MYT1L: variants seen among roughly 807,000 people sequenced by gnomAD.
The protein encoded by MYT1L is myelin transcription factor 1 like.
In MYT1L, 12 loss-of-function variants were observed where a neutral mutation model predicts 126.7. That is an observed-to-expected ratio of 0.09 (90% confidence interval 0.06 to 0.15). The LOEUF is 0.15. Among genes scored for constraint, MYT1L ranks in the 10% least tolerant of loss-of-function variants. The probability of loss-of-function intolerance (pLI) is 1.00; values close to 1 mark genes in which losing one functional copy is unlikely to be tolerated. For missense variants in MYT1L, 979 were observed against 1,585.2 expected, an observed-to-expected ratio of 0.62 and a Z score of 6.49; for synonymous variants, 541 against 604.2, an observed-to-expected ratio of 0.90 and a Z score of 1.53.
intron 3 of MYT1L, among the ~76,000 whole-genome samples, chr2:2,080,358 G>A (rs2075688442): frequency 6.6e-6 from 1 of 152,060 alleles, no homozygotes; most frequent in Admixed American, 6.6e-5. Flanking sequence ...AAGTTGATCT[G>A]ACAAAGGCCA....
chr2:2,259,572 G>A (rs1438493372), intron 2 of MYT1L, among the ~76,000 whole-genome samples: 1 of 151,966 alleles, frequency 6.6e-6, no homozygotes, highest in Non-Finnish European at 1.5e-5. Context: ...AAAAAATCAG[G>A]AATATGTCCC....
At chr2:2,050,628 A>T (rs2068721201) in intron 4 of MYT1L, among the ~76,000 whole-genome samples, 1 of 152,188 alleles carries the variant, frequency 6.6e-6, no homozygotes, top group African/African-American at 2.4e-5. Flanking sequence ...TTCTCCCATA[A>T]GATCAAGCCC....
At chr2:2,250,895 T>C (rs1182023518) in intron 2 of MYT1L, among the ~76,000 whole-genome samples, 1 of 152,102 alleles carries the variant, frequency 6.6e-6, no homozygotes, top group Non-Finnish European at 1.5e-5. Flanking sequence ...GATCCTACTC[T>C]TTAAATATAT....
At chr2:2,269,148 T>C (rs1277121479) in intron 2 of MYT1L, among the ~76,000 whole-genome samples, 3 of 152,202 alleles carry the variant, frequency 2.0e-5, no homozygotes, top group Admixed American at 2.0e-4. Flanking sequence ...TTCTAAATTA[T>C]CTGGAGATAA....
intron 3 of MYT1L, among the ~76,000 whole-genome samples, chr2:2,063,715 G>A (rs984481677): frequency 3.9e-5 from 6 of 152,068 alleles, no homozygotes; most frequent in African/African-American, 7.2e-5. Context: ...GTGATGACAC[G>A]TGCCTGTAAT....
chr2:2,138,762 T>G, intron 3 of MYT1L, among the ~76,000 whole-genome samples: 1 of 143,640 alleles, frequency 7.0e-6, no homozygotes, highest in Non-Finnish European at 1.5e-5. Context: ...AGTTAGTGGG[T>G]GCAGCGCACC....
chr2:1,918,066 C>T (rs1248687505), intron 10 of MYT1L, among the ~76,000 whole-genome samples: 1 of 152,038 alleles, frequency 6.6e-6, no homozygotes, highest in Non-Finnish European at 1.5e-5. Context: ...CGTAGAATGC[C>T]GTGCATGCAT....
At chr2:2,270,856 T>A (rs1573009513) in intron 2 of MYT1L, among the ~76,000 whole-genome samples, 2 of 152,000 alleles carry the variant, frequency 1.3e-5, no homozygotes, top group African/African-American at 4.8e-5. Flanking sequence ...GTGCCGGGCA[T>A]CCTGCTCATC....
chr2:1,944,001 C>T (rs146407687), intron 8 of MYT1L, among the ~76,000 whole-genome samples: 94 of 152,262 alleles, frequency 6.2e-4, no homozygotes, highest in African/African-American at 1.7e-3. Context: ...TCAGTGTTAG[C>T]GGTAATCACC....
chr2:1,964,156 C>T (rs76657064), intron 8 of MYT1L, among the ~76,000 whole-genome samples: 1 of 152,062 alleles, frequency 6.6e-6, no homozygotes, highest in Non-Finnish European at 1.5e-5. Context: ...AATAGGAAGG[C>T]CTGAGGAGCA....
chr2:1,801,004 A>C lies in MYT1L; in HGVS notation c.3276+692T>G, dbSNP rs1361137022. ...CACTCCCAGAGTGTACTTCGGCGGGACCCTAACACAGCAAGGTGGGGGATG... is the reference window on the plus strand; with the variant it reads ...CACTCCCAGAGTGTACTTCGGCGGGCCCCTAACACAGCAAGGTGGGGGATG... On this transcript the variant is annotated intron_variant, in intron 23 of 24. Coordinates refer to ENST00000647738, the MANE Select transcript of MYT1L (RefSeq NM_001303052.2). This position sits in a 1 kb window ranked among gnomAD's most constrained non-coding sequence, Gnocchi z 4.2. Among the ~76,000 whole-genome samples the C allele has an allele frequency of 2.6e-5, 4 of 152,042 alleles. No individual in the cohort carries two copies. Among genetic ancestry groups the C allele is most frequent in the Non-Finnish European group, 5.9e-5 (4 of 68,012 alleles).
At chr2:2,292,087 G>C (rs2095608307) in intron 1 of MYT1L, among the ~76,000 whole-genome samples, 1 of 152,194 alleles carries the variant, frequency 6.6e-6, no homozygotes, top group Non-Finnish European at 1.5e-5. Flanking sequence ...CTCTGTTGGT[G>C]TGGAGCGGGA....
chr2:2,272,912 AC>A (rs1388870283), intron 2 of MYT1L, among the ~76,000 whole-genome samples: 2 of 151,420 alleles, frequency 1.3e-5, no homozygotes, highest in East Asian at 3.9e-4. Context: ...TCCCATCTCC[AC>A]CCCTGGTGCC....
Position 1,979,648 on chromosome 2 carries a change from T to A in MYT1L, c.55+75A>T, listed in dbSNP as rs2060450929. The A allele has an allele frequency of 4.4e-6, 7 of 1,606,312 alleles. No homozygotes were observed. The highest frequency in any genetic ancestry group is 6.0e-6 in the Non-Finnish European group (7 of 1,173,276). The stretch of plus-strand genomic sequence containing the variant: ...CCAAAAGGGTGGCATGAAAGTGGGG[T>A]CAGAATCGACCTCAGTTCCGCAGGA... On this transcript the variant is annotated intron_variant, in intron 6 of 24. Transcript: ENST00000647738. This position sits in a 1 kb window ranked among gnomAD's most constrained non-coding sequence, Gnocchi z 4.0.
Position 2,245,210 on chromosome 2 carries a change from T to A in MYT1L, c.-421+39194A>T, listed in dbSNP as rs79327221. Among the ~76,000 whole-genome samples the A allele has an allele frequency of 9.0e-3, 1,367 of 152,090 alleles. 19 individuals are homozygous for A. The highest frequency in any genetic ancestry group is 0.03 in the African/African-American group (1,258 of 41,474). On this transcript the variant is annotated intron_variant, in intron 2 of 24. Transcript: ENST00000647738. The stretch of plus-strand genomic sequence containing the variant: ...TGAAAAACAGAGAAAAGATTGGAAG[T>A]ATGGGTCGGAATTATGGTGGAGGAT...
rs533396499 is a variant in MYT1L, at chr2:1,943,370, G to GA, written c.153-37dup. The GA allele has an allele frequency of 5.4e-6, 8 of 1,488,376 alleles. No homozygotes were observed. Among genetic ancestry groups the GA allele is most frequent in the South Asian group, 2.8e-5 (2 of 71,306 alleles). The allele number at this position is 1,488,376 out of a possible 1,614,324, so 92.2% of individuals were successfully genotyped here. On this transcript the variant is annotated intron_variant, in intron 8 of 24. Transcript: ENST00000647738. The surrounding 1 kb of genome is among the most constrained non-coding windows in gnomAD (Gnocchi z 4.4). ...AAATAGAGAAGGCAGGGGAGAGAGA[G>GA]AAAAAAAATATCTGTGTTACTGTCT...
At chr2:2,296,623 G>C (rs912375014) in intron 1 of MYT1L, among the ~76,000 whole-genome samples, 3 of 152,244 alleles carry the variant, frequency 2.0e-5, no homozygotes, top group Middle Eastern at 3.4e-3. Context: ...GGGAGTGAGA[G>C]TGAGAAAGGG....
At chr2:2,241,741 C>A (rs778203593) in intron 2 of MYT1L, among the ~76,000 whole-genome samples, 10 of 152,140 alleles carry the variant, frequency 6.6e-5, no homozygotes, top group Non-Finnish European at 1.5e-4. Context: ...GTACAGTGGA[C>A]TATTATTCAG....
chr2:2,014,909 G>A (rs1306870232), intron 4 of MYT1L, among the ~76,000 whole-genome samples: 1 of 152,216 alleles, frequency 6.6e-6, no homozygotes, highest in Non-Finnish European at 1.5e-5. Context: ...TGGTGAGTCA[G>A]GATACAAGGC....
Sources: allele counts gnomAD v4.1 joint callset (sites outside exome capture counted in the v4.1 genomes callset), GRCh38; gene constraint gnomAD v4.1.1; non-coding constraint Gnocchi (gnomAD v3.1); transcripts MANE v1.5; gene names NCBI Gene and HGNC (gene_info 2026-07-23, HGNC 2026-07-21).